The following KLHL1 variants were observed in gnomAD, a reference collection of about 807,000 sequenced individuals.
KLHL1 encodes the protein kelch like family member 1, also known as kelch-like protein 1.
KLHL1 carries 47 observed loss-of-function variants against 77.7 expected under a neutral mutation model. The ratio of observed to expected loss-of-function variants is 0.60; its 90% CI spans 0.48 to 0.77. The LOEUF is 0.77. Ranked by LOEUF, KLHL1 falls within the 30% of genes least tolerant of loss-of-function variation. The pLI, the probability that KLHL1 is intolerant of heterozygous loss-of-function variation, is 0.00. For missense variants in KLHL1, 925 were observed against 910.8 expected (o/e 1.02, Z -0.20); for synonymous variants, 360 against 325.2 (o/e 1.11, Z -1.15).
intron 5 of KLHL1, among the ~76,000 whole-genome samples, chr13:69,861,791 A>AAC (rs1039836275): frequency 2.7e-5 from 4 of 146,414 alleles, no homozygotes; most frequent in African/African-American, 1.0e-4. Flanking sequence ...CTACTAAAAA[A>AAC]AAAAAAAAAA....
chr13:69,914,029 T>C (rs1882331877), intron 4 of KLHL1, among the ~76,000 whole-genome samples: 1 of 152,142 alleles, frequency 6.6e-6, no homozygotes, highest in African/African-American at 2.4e-5. Flanking sequence ...AGTTTAGTCT[T>C]CTGGCCTACA....
At position 69,859,531 on chromosome 13, in the gene KLHL1, C is replaced by T. The variant is rs550459197; in HGVS notation, c.1228-20369G>A. Among the ~76,000 whole-genome samples, 39 of 152,088 alleles carry T rather than the reference C, an allele frequency of 2.6e-4. 1 individual carries two copies. Among genetic ancestry groups the T allele is most frequent in the South Asian group, 1.7e-3 (8 of 4,826 alleles). ...CTCTAGGATATGCTAAAAAGGTTCC[C>T]GCATTTTCACCATAGTTCGAGTTCT... On this transcript the variant is annotated intron_variant, in intron 5 of 10. Transcript: ENST00000377844.
rs554941146 is a variant in KLHL1 at position 69,977,279 on chromosome 13, T to C, written c.498-1477A>G. Among the ~76,000 whole-genome samples, 11 of 152,130 alleles carry C rather than the reference T, an allele frequency of 7.2e-5. No homozygotes were observed. The East Asian group carries it at 1.9e-3, about 27-fold the overall frequency. On this transcript the variant is annotated intron_variant, in intron 1 of 10. Coordinates refer to ENST00000377844, the MANE Select transcript of KLHL1 (RefSeq NM_020866.3). ...GATCACAATTATTACTTAATAGATA[T>C]AAAAATAACTTTCATTGGTCTTTTA... is the stretch of plus-strand genomic sequence containing the variant.
chr13:69,829,862 T>C (rs1431370658), intron 6 of KLHL1, among the ~76,000 whole-genome samples: 1 of 149,994 alleles, frequency 6.7e-6, no homozygotes, highest in Non-Finnish European at 1.5e-5. Flanking sequence ...GCTTCATAAA[T>C]GAAGAAAAGA....
In KLHL1 at chr13:69,719,512, T is replaced by G; in HGVS notation, c.1872A>C (p.Thr624=). ...TGGGAGCACACATGTTCCACTTATT[T>G]GTATGAGGATCATAATATTCCATTG... ...LSSMEYYDPH[T]NKWNMCAPMC... Residue 624 remains threonine (T), a synonymous_variant, in exon 9 of 11, where the codon ACA becomes ACC. Transcript: ENST00000377844. The G allele has an allele frequency of 1.2e-6, 2 of 1,613,538 alleles. No individual in the cohort carries two copies. Among genetic ancestry groups the G allele is most frequent in the South Asian group, 2.2e-5 (2 of 91,068 alleles).
chr13:69,973,711 C>A (rs1884462520), intron 2 of KLHL1, among the ~76,000 whole-genome samples: 1 of 152,004 alleles, frequency 6.6e-6, no homozygotes, highest in African/African-American at 2.4e-5. Flanking sequence ...TGATTCACAA[C>A]AATGCTTGTT....
intron 6 of KLHL1, among the ~76,000 whole-genome samples, chr13:69,823,986 A>C (rs980004495): frequency 1.3e-5 from 2 of 151,960 alleles, no homozygotes; most frequent in African/African-American, 4.8e-5. Flanking sequence ...GTGTGTGTGT[A>C]TATATATGTA....
intron 5 of KLHL1, among the ~76,000 whole-genome samples, chr13:69,855,331 GATAGATAGATAGATAGACAGAC>G (rs1879852027): frequency 9.0e-6 from 1 of 111,570 alleles, no homozygotes; most frequent in African/African-American, 4.0e-5. Context: ...TAGATAGATA[GATAGATAGATAGATAGACAGAC>G]AGATAGATAC....
chr13:70,013,137 T>C (rs183415622), intron 1 of KLHL1, among the ~76,000 whole-genome samples: 1 of 152,124 alleles, frequency 6.6e-6, no homozygotes, highest in Admixed American at 6.5e-5. Flanking sequence ...ACTCTATTTA[T>C]TTAGAAGGAA....
intron 5 of KLHL1, among the ~76,000 whole-genome samples, chr13:69,859,325 T>C (rs765634481): frequency 6.6e-6 from 1 of 151,702 alleles, no homozygotes; most frequent in Non-Finnish European, 1.5e-5. Context: ...TCACTTGACT[T>C]CCTCGCTGAT....
rs139314617 is a variant in KLHL1, at chr13:70,039,976, T to C, written c.498-64174A>G. On this transcript the variant is annotated intron_variant, in intron 1 of 10. Coordinates refer to ENST00000377844, the MANE Select transcript of KLHL1 (RefSeq NM_020866.3). Reference sequence around the variant, plus strand: ...TCTTCAGGGTTTTCCAGTGTAAATCTTTCTGTAACTCTCTTTTAGTGTTTG... The same window carrying C: ...TCTTCAGGGTTTTCCAGTGTAAATCCTTCTGTAACTCTCTTTTAGTGTTTG... 1.9e-3 allele frequency among the ~76,000 whole-genome samples: 291 copies of C among 152,268 alleles called. 2 individuals carry two copies. The highest frequency in any genetic ancestry group is 6.5e-3 in the African/African-American group (271 of 41,548).
chr13:69,779,382 CCTCCCCTGTCCTCCCCTCTT>C (rs1161165211), intron 7 of KLHL1, among the ~76,000 whole-genome samples: 1 of 149,476 alleles, frequency 6.7e-6, no homozygotes, highest in African/African-American at 2.5e-5. Flanking sequence ...CCTCCCCTCT[CCTCCCCTGTCCTCCCCTCTT>C]CCCTCCTTTC....
intron 7 of KLHL1, among the ~76,000 whole-genome samples, chr13:69,784,839 T>C (rs927938740): frequency 4.0e-5 from 6 of 148,512 alleles, no homozygotes; most frequent in African/African-American, 9.9e-5. Context: ...GCGGACCTAA[T>C]AGACATCTAC....
chr13:70,088,756 A>C (rs1395994604), intron 1 of KLHL1, among the ~76,000 whole-genome samples: 1 of 152,176 alleles, frequency 6.6e-6, no homozygotes, highest in Non-Finnish European at 1.5e-5. Flanking sequence ...ATTAAACTAT[A>C]TTAAAATTTT....
chr13:69,781,119 G>C (rs1016651822), intron 7 of KLHL1, among the ~76,000 whole-genome samples: 37 of 151,966 alleles, frequency 2.4e-4, no homozygotes, highest in African/African-American at 7.7e-4. Flanking sequence ...GGGGGAGACA[G>C]TCTGTGTTTG....
At chr13:69,907,849 CAT>C (rs892189565) in intron 4 of KLHL1, among the ~76,000 whole-genome samples, 1 of 151,872 alleles carries the variant, frequency 6.6e-6, no homozygotes, top group Admixed American at 6.6e-5. Flanking sequence ...AATGGAGCAA[CAT>C]AGAGGACATT....
At chr13:70,031,881 A>G (rs963557835) in intron 1 of KLHL1, among the ~76,000 whole-genome samples, 1 of 152,216 alleles carries the variant, frequency 6.6e-6, no homozygotes, top group African/African-American at 2.4e-5. Context: ...TAAACCTGAC[A>G]ATAGCCGGGA....
chr13:70,078,229 G>A (rs573405005), intron 1 of KLHL1, among the ~76,000 whole-genome samples: 15 of 151,194 alleles, frequency 9.9e-5, no homozygotes, highest in Admixed American at 3.3e-4. Flanking sequence ...GACCACTTAA[G>A]TACCAACCAA....
At chr13:69,721,069 A>T (rs1481306514) in intron 8 of KLHL1, among the ~76,000 whole-genome samples, 1 of 59,522 alleles carries the variant, frequency 1.7e-5, no homozygotes, top group African/African-American at 4.3e-5. Flanking sequence ...TAAGATATAT[A>T]TATATATATA....
Sources: gnomAD v4.1 joint callset for allele counts (sites outside exome capture counted in the v4.1 genomes callset) on GRCh38, gnomAD v4.1.1 for gene constraint, MANE v1.5 for transcripts, NCBI Gene and HGNC (gene_info 2026-07-23, HGNC 2026-07-21) for gene names.